Variants in KIF6 observed in about 807,000 individuals in gnomAD.
KIF6 encodes the protein kinesin family member 6.
Under a neutral mutation model 112.7 loss-of-function variants are expected in KIF6, and 106 were observed. The observed-to-expected ratio is 0.94, with a 90% CI of 0.80 to 1.11. KIF6 has a LOEUF of 1.11. KIF6 is among the 50% of genes least tolerant of loss of function. KIF6 has a pLI of 0.00. For synonymous variants in KIF6, 339 were observed against 339.9 expected (o/e 1.00, Z 0.03); for missense variants, 929 against 964.0 (o/e 0.96, Z 0.48).
intron 13 of KIF6, among the ~76,000 whole-genome samples, chr6:39,535,898 G>T (rs1392590415): frequency 6.6e-6 from 1 of 152,156 alleles, no homozygotes; most frequent in African/African-American, 2.4e-5. Context: ...TAGAACTCAG[G>T]ATTAACAAAC....
intron 3 of KIF6, among the ~76,000 whole-genome samples, chr6:39,702,133 T>A (rs894847281): frequency 6.6e-6 from 1 of 152,208 alleles, no homozygotes; most frequent in Non-Finnish European, 1.5e-5. Flanking sequence ...TAGTATAGCC[T>A]CTGCTGATTC....
chr6:39,631,314 A>G (rs948157825), intron 5 of KIF6, among the ~76,000 whole-genome samples: 2 of 151,842 alleles, frequency 1.3e-5, no homozygotes, highest in Admixed American at 6.6e-5. Context: ...TAGTATTTCC[A>G]TACTATATTG....
At chr6:39,372,296 G>A (rs925298785) in intron 16 of KIF6, among the ~76,000 whole-genome samples, 6 of 152,118 alleles carry the variant, frequency 3.9e-5, no homozygotes, top group Non-Finnish European at 8.8e-5. Flanking sequence ...AACCTTCAGG[G>A]CACTTCCCTG....
intron 3 of KIF6, among the ~76,000 whole-genome samples, chr6:39,658,619 C>T (rs1785942052): frequency 6.6e-6 from 1 of 152,104 alleles, no homozygotes; most frequent in African/African-American, 2.4e-5. Flanking sequence ...TTGTGAGGAG[C>T]ATAATTTGCC....
Position 39,342,973 on chromosome 6 carries a change from T to C in KIF6, c.2428+736A>G. The stretch of plus-strand genomic sequence containing the variant: ...CGCCTTTCTGGCAATGTGAAGGCAA[T>C]GTTAAGCCTGCCTAGTAGCCTTTGG... On this transcript the variant is annotated intron_variant, in intron 22 of 22. Transcript: ENST00000287152. This position sits in a 1 kb window ranked among gnomAD's most constrained non-coding sequence, Gnocchi z 4.7. The C allele has an allele frequency of 2.0e-6, 2 of 985,374 alleles. No individual in the cohort carries two copies. The highest frequency in any genetic ancestry group is 2.4e-6 in the Non-Finnish European group (2 of 829,922). The allele number at this position is 985,374 out of a possible 1,614,324, so 61.0% of individuals were successfully genotyped here.
intron 16 of KIF6, among the ~76,000 whole-genome samples, chr6:39,376,823 G>A (rs1766475223): frequency 6.6e-6 from 1 of 152,176 alleles, no homozygotes; most frequent in South Asian, 2.1e-4. Context: ...TTGGAAGAAA[G>A]AAGATATATT....
chr6:39,711,222 A>T (rs1048808972), intron 3 of KIF6, among the ~76,000 whole-genome samples: 3 of 149,722 alleles, frequency 2.0e-5, no homozygotes, highest in African/African-American at 4.9e-5. Context: ...AGACTCATTA[A>T]TATCAAATTT....
chr6:39,601,743 C>T (rs370230629), intron 6 of KIF6, among the ~76,000 whole-genome samples: 2 of 145,558 alleles, frequency 1.4e-5, no homozygotes, highest in Admixed American at 6.8e-5. Context: ...CACACACACA[C>T]ACATTAGTTT....
At chr6:39,373,260 A>AAT (rs1452129113) in intron 16 of KIF6, among the ~76,000 whole-genome samples, 33 of 152,338 alleles carry the variant, frequency 2.2e-4, no homozygotes, top group Middle Eastern at 3.4e-3. Flanking sequence ...CGCTTAAAGG[A>AAT]ATAGACAGCC....
intron 6 of KIF6, among the ~76,000 whole-genome samples, chr6:39,600,439 C>G (rs140687277): frequency 6.6e-6 from 1 of 152,178 alleles, no homozygotes; most frequent in South Asian, 2.1e-4. Context: ...TCTAAAGCCA[C>G]AATGTGTGAA....
At chr6:39,432,797 A>G (rs1436063264) in intron 13 of KIF6, among the ~76,000 whole-genome samples, 1 of 152,220 alleles carries the variant, frequency 6.6e-6, no homozygotes, top group Non-Finnish European at 1.5e-5. Context: ...CTAACAGTGC[A>G]TGCCTTTTGC....
intron 9 of KIF6, among the ~76,000 whole-genome samples, chr6:39,579,004 T>G (rs190726063): frequency 7.1e-4 from 108 of 152,338 alleles, no homozygotes; most frequent in Non-Finnish European, 1.3e-3. Flanking sequence ...GATGAACATT[T>G]AGGATTTTTA....
chr6:39,576,693 A>G (rs1213937136), intron 10 of KIF6, among the ~76,000 whole-genome samples: 1 of 152,092 alleles, frequency 6.6e-6, no homozygotes, highest in African/African-American at 2.4e-5. Context: ...TCCTGCTCTT[A>G]GGTTCTGGTA....
chr6:39,362,519 C>A lies in KIF6; in HGVS notation c.1862-1G>T. 1 of 1,611,018 alleles carries A rather than the reference C, an allele frequency of 6.2e-7. No homozygotes were observed. Among genetic ancestry groups the A allele is most frequent in the Non-Finnish European group, 8.5e-7 (1 of 1,177,124 alleles). On this transcript the variant is annotated splice_acceptor_variant, in intron 16 of 22. Coordinates refer to ENST00000287152, the MANE Select transcript of KIF6 (RefSeq NM_145027.6). LOFTEE classifies it high-confidence loss of function. ...GGCACGGCCATGTTTTCCGAGATTC[C>A]TGTAGAAGGAAGGTGCCAATGGGAT...
Position 39,544,579 on chromosome 6 carries a change from G to T in KIF6, c.1402C>A (p.Leu468Met). Residue 468 changes from leucine to methionine, a missense_variant, in exon 12 of 23, where the codon CTG becomes ATG. Coordinates refer to ENST00000287152, the MANE Select transcript of KIF6 (RefSeq NM_145027.6). ...EEEYRKLRDI[L>M]KQRDNEINIL... Reference sequence around the variant, plus strand: ...CTGATTTCGTTATCTCTCTGTTTCAGAATATCTCGTAGCTTTCTATATTCT... The same window carrying T: ...CTGATTTCGTTATCTCTCTGTTTCATAATATCTCGTAGCTTTCTATATTCT... 1 of 1,612,558 alleles carries T rather than the reference G, an allele frequency of 6.2e-7. No homozygotes were observed. The highest frequency in any genetic ancestry group is 8.5e-7 in the Non-Finnish European group (1 of 1,179,148).
At chr6:39,660,289 T>C (rs1000748832) in intron 3 of KIF6, among the ~76,000 whole-genome samples, 2 of 152,226 alleles carry the variant, frequency 1.3e-5, no homozygotes, top group Non-Finnish European at 2.9e-5. Context: ...TACAATATAA[T>C]GGATGCATGT....
chr6:39,366,421 G>A (rs942472104), intron 16 of KIF6, among the ~76,000 whole-genome samples: 2 of 152,296 alleles, frequency 1.3e-5, no homozygotes, highest in South Asian at 2.1e-4. Flanking sequence ...TGTTCTAGGG[G>A]GATTCCAGTG....
chr6:39,657,600 CAAGTA>C (rs1785878224), intron 3 of KIF6, among the ~76,000 whole-genome samples: 1 of 152,114 alleles, frequency 6.6e-6, no homozygotes, highest in Non-Finnish European at 1.5e-5. Flanking sequence ...AAAAGTTGTG[CAAGTA>C]AAGTAAATAT....
chr6:39,577,435 T>G (rs1001504716), intron 10 of KIF6, among the ~76,000 whole-genome samples: 1 of 152,208 alleles, frequency 6.6e-6, no homozygotes, highest in Non-Finnish European at 1.5e-5. Flanking sequence ...ACCCAACACA[T>G]GCTTAATAAG....
Sources: gnomAD v4.1 joint callset for allele counts (sites outside exome capture counted in the v4.1 genomes callset) on GRCh38, gnomAD v4.1.1 for gene constraint, Gnocchi (gnomAD v3.1) non-coding constraint, MANE v1.5 for transcripts, NCBI Gene and HGNC (gene_info 2026-07-23, HGNC 2026-07-21) for gene names.